The following GALNTL6 variants were observed in gnomAD, a reference collection of about 807,000 sequenced individuals.
GALNTL6 encodes polypeptide N-acetylgalactosaminyltransferase like 6, also known as polypeptide N-acetylgalactosaminyltransferase-like 6.
A neutral mutation model predicts 73.7 loss-of-function variants in GALNTL6; 46 were observed. The ratio of observed to expected loss-of-function variants is 0.62; its 90% confidence interval spans 0.49 to 0.80. GALNTL6 has a LOEUF of 0.80. GALNTL6 is among the 30% of genes least tolerant of loss of function. GALNTL6 has a pLI of 0.00. For synonymous variants in GALNTL6, 259 were observed against 263.7 expected (o/e 0.98, Z 0.17); for missense variants, 604 against 755.0 (o/e 0.80, Z 2.34).
Position 172,730,852 on chromosome 4 carries a change from G to A in GALNTL6, c.554-78509G>A, listed in dbSNP as rs1011145662. On this transcript the variant is annotated intron_variant, in intron 5 of 12. Coordinates refer to ENST00000506823, the MANE Select transcript of GALNTL6 (RefSeq NM_001034845.3). ...TCCCAGCACTTTGGGAGGCCGAGGC[G>A]GGCGGATCACGAGGTCAGGAGATCG... Among the ~76,000 whole-genome samples, 17 of 152,124 alleles carry A rather than the reference G, an allele frequency of 1.1e-4. No individual in the cohort carries two copies. In the East Asian group the frequency reaches 2.9e-3, roughly 26 times the overall value.
At chr4:172,841,598 A>G (rs1431887268) in intron 7 of GALNTL6, among the ~76,000 whole-genome samples, 1 of 152,198 alleles carries the variant, frequency 6.6e-6, no homozygotes, top group Non-Finnish European at 1.5e-5. Flanking sequence ...ATCATGGTGG[A>G]AGGGGAAACA....
chr4:172,607,334 G>A (rs113167667), intron 5 of GALNTL6, among the ~76,000 whole-genome samples: 4,698 of 152,026 alleles, frequency 0.031, 111 homozygotes, highest in South Asian at 0.086. Flanking sequence ...CTATTTTTCC[G>A]TTCTTTGTGT....
At chr4:172,226,481 A>G (rs2110959910) in intron 2 of GALNTL6, among the ~76,000 whole-genome samples, 1 of 152,106 alleles carries the variant, frequency 6.6e-6, no homozygotes. Context: ...TTTTTAATAT[A>G]TATCATTAAT....
At chr4:172,972,122 G>A (rs572865273) in intron 10 of GALNTL6, among the ~76,000 whole-genome samples, 4 of 152,202 alleles carry the variant, frequency 2.6e-5, no homozygotes, top group African/African-American at 9.6e-5. Flanking sequence ...ATCAAAGACT[G>A]CAATTCATTG....
chr4:172,088,888 G>A (rs776339745), intron 2 of GALNTL6, among the ~76,000 whole-genome samples: 9 of 152,218 alleles, frequency 5.9e-5, no homozygotes, highest in South Asian at 2.1e-4. Flanking sequence ...AAATAGTCTC[G>A]TTTCCTTCAG....
intron 11 of GALNTL6, among the ~76,000 whole-genome samples, chr4:173,010,826 C>T (rs1005767682): frequency 2.7e-5 from 4 of 150,302 alleles, no homozygotes; most frequent in East Asian, 3.9e-4. Flanking sequence ...AGAATGGTCT[C>T]GATCTCCTGA....
At chr4:172,079,635 T>C (rs1731815993) in intron 2 of GALNTL6, among the ~76,000 whole-genome samples, 1 of 152,218 alleles carries the variant, frequency 6.6e-6, no homozygotes, top group South Asian at 2.1e-4. Flanking sequence ...TTGGTAGCTC[T>C]TTATTGTTTT....
At chr4:172,605,202 T>C (rs904225209) in intron 5 of GALNTL6, among the ~76,000 whole-genome samples, 1 of 152,220 alleles carries the variant, frequency 6.6e-6, no homozygotes, top group African/African-American at 2.4e-5. Flanking sequence ...CTATGCCTGG[T>C]GAACTTAAAC....
chr4:172,876,411 T>C (rs1745196627), intron 7 of GALNTL6, among the ~76,000 whole-genome samples: 11 of 152,220 alleles, frequency 7.2e-5, no homozygotes, highest in Admixed American at 6.5e-4. Flanking sequence ...TTTCTAAACA[T>C]TTGCATTTGC....
chr4:171,934,673 C>G (rs184529399), intron 2 of GALNTL6, among the ~76,000 whole-genome samples: 8 of 152,236 alleles, frequency 5.3e-5, no homozygotes, highest in African/African-American at 1.7e-4. Context: ...GACTCAGCCT[C>G]CCTAACTGTT....
At chr4:172,078,985 C>T (rs533061453) in intron 2 of GALNTL6, among the ~76,000 whole-genome samples, 1 of 151,876 alleles carries the variant, frequency 6.6e-6, no homozygotes, top group South Asian at 2.1e-4. Flanking sequence ...AGTATTATTG[C>T]TGGTTTTGAG....
At chr4:172,829,089 C>T (rs780262550) in intron 7 of GALNTL6, among the ~76,000 whole-genome samples, 1 of 152,176 alleles carries the variant, frequency 6.6e-6, no homozygotes, top group Non-Finnish European at 1.5e-5. Context: ...CCTTCACATC[C>T]TCTCCCTTCT....
intron 3 of GALNTL6, among the ~76,000 whole-genome samples, chr4:172,281,123 C>T (rs1314957147): frequency 6.6e-6 from 1 of 151,886 alleles, no homozygotes; most frequent in Non-Finnish European, 1.5e-5. Context: ...GAACCGAGAT[C>T]GCACCACTGC....
intron 2 of GALNTL6, among the ~76,000 whole-genome samples, chr4:172,073,778 A>G (rs1278611590): frequency 6.6e-6 from 1 of 152,206 alleles, no homozygotes; most frequent in Non-Finnish European, 1.5e-5. Flanking sequence ...TCTCAACTAC[A>G]AAGTGTGTGT....
intron 3 of GALNTL6, among the ~76,000 whole-genome samples, chr4:172,293,355 A>G (rs1287404760): frequency 6.6e-6 from 1 of 152,162 alleles, no homozygotes; most frequent in African/African-American, 2.4e-5. Flanking sequence ...CTTATAAGGC[A>G]TTTGTGGTCA....
At chr4:172,894,972 A>G (rs1399713488) in intron 8 of GALNTL6, among the ~76,000 whole-genome samples, 1 of 144,956 alleles carries the variant, frequency 6.9e-6, no homozygotes, top group African/African-American at 2.5e-5. Context: ...TTTTTTACTT[A>G]AAGTCTCTTT....
intron 7 of GALNTL6, among the ~76,000 whole-genome samples, chr4:172,874,167 C>T (rs1170675378): frequency 6.6e-6 from 1 of 152,198 alleles, no homozygotes; most frequent in Non-Finnish European, 1.5e-5. Flanking sequence ...GTATTTTCAG[C>T]TTTTAACAGT....
chr4:172,877,974 C>T (rs575462330), intron 7 of GALNTL6, among the ~76,000 whole-genome samples: 4 of 151,920 alleles, frequency 2.6e-5, no homozygotes, highest in South Asian at 2.1e-4. Flanking sequence ...TGCAAGAAAA[C>T]AAACAATGTG....
intron 5 of GALNTL6, among the ~76,000 whole-genome samples, chr4:172,534,783 G>T (rs6818987): frequency 0.017 from 2,526 of 152,236 alleles, 65 homozygotes; most frequent in African/African-American, 0.057. Flanking sequence ...GGTCAGGCTG[G>T]TCTCGAACTC....
Sources: allele counts gnomAD v4.1 joint callset (sites outside exome capture counted in the v4.1 genomes callset), GRCh38; gene constraint gnomAD v4.1.1; transcripts MANE v1.5; gene names NCBI Gene and HGNC (gene_info 2026-07-23, HGNC 2026-07-21).